PSMB7: variants seen among roughly 807,000 people sequenced by gnomAD.
PSMB7 encodes proteasome subunit beta type-7.
A neutral mutation model predicts 28.1 loss-of-function variants in PSMB7; 5 were observed. The observed-to-expected ratio is 0.18, with a 90% CI of 0.09 to 0.37. PSMB7 has a LOEUF of 0.37. PSMB7 is among the 10% of genes least tolerant of loss of function. PSMB7 has a pLI of 1.00. For missense variants in PSMB7, 275 were observed against 346.2 expected (o/e 0.79, Z 1.63); for synonymous variants, 122 against 123.7 (o/e 0.99, Z 0.09).
intron 6 of PSMB7, among the ~76,000 whole-genome samples, chr9:124,364,923 G>A (rs1321579534): frequency 1.3e-5 from 2 of 152,194 alleles, no homozygotes; most frequent in Non-Finnish European, 2.9e-5. Context: ...GCTAGATGCT[G>A]GGCACATGTG....
chr9:124,353,650 G>C lies in PSMB7; in HGVS notation c.782C>G (p.Pro261Arg), dbSNP rs1435960684. The change falls in exon 8 of 8, where the codon CCT becomes CGT. Residue 261 changes from proline to arginine, a missense_variant. This residue lies in a region of PSMB7 where 213 missense variants were observed against 302.4 expected (regional missense o/e 0.70). Transcript: ENST00000259457. Reference sequence around the variant, plus strand: ...TTCTTCCAGCACCTCAATCTCCAGAGGAGTGATTTTCTCAGTGAGGACTGC... The same window carrying C: ...TTCTTCCAGCACCTCAATCTCCAGACGAGTGATTTTCTCAGTGAGGACTGC... ...TTAVLTEKIT[P>R]LEIEVLEETV... is the part of the protein sequence containing the mutation. 1 of 1,614,074 alleles carries C rather than the reference G, an allele frequency of 6.2e-7. No homozygotes were observed. The highest frequency in any genetic ancestry group is 8.5e-7 in the Non-Finnish European group (1 of 1,179,948).
chr9:124,358,656 A>T (rs1830437611), intron 6 of PSMB7, among the ~76,000 whole-genome samples: 1 of 152,184 alleles, frequency 6.6e-6, no homozygotes, highest in Non-Finnish European at 1.5e-5. Context: ...CCTCATACCT[A>T]ACCGCTTCCC....
chr9:124,361,687 G>C (rs1236195926), intron 6 of PSMB7, among the ~76,000 whole-genome samples: 4 of 152,200 alleles, frequency 2.6e-5, no homozygotes, highest in Non-Finnish European at 5.9e-5. Flanking sequence ...AAAGTCTGCT[G>C]AGATTTAGAG....
intron 6 of PSMB7, among the ~76,000 whole-genome samples, chr9:124,377,706 G>C (rs1389116212): frequency 6.6e-6 from 1 of 152,226 alleles, no homozygotes; most frequent in Non-Finnish European, 1.5e-5. Context: ...GGCTTCTCTA[G>C]AGGCCAACAC....
intron 6 of PSMB7, among the ~76,000 whole-genome samples, chr9:124,380,120 TAAG>T (rs1830650684): frequency 6.6e-6 from 1 of 152,142 alleles, no homozygotes; most frequent in African/African-American, 2.4e-5. Context: ...GCACCAGTGG[TAAG>T]GAGTCCACGG....
intron 6 of PSMB7, among the ~76,000 whole-genome samples, chr9:124,376,390 G>GA (rs201824107): frequency 7.2e-4 from 106 of 147,474 alleles, no homozygotes; most frequent in East Asian, 5.9e-3. Flanking sequence ...GTTTAAAAAT[G>GA]AAAAAAAAAA....
intron 6 of PSMB7, among the ~76,000 whole-genome samples, chr9:124,368,762 G>T (rs984084458): frequency 6.6e-6 from 1 of 152,234 alleles, no homozygotes; most frequent in Non-Finnish European, 1.5e-5. Context: ...GTAAACTCTT[G>T]TTATACCTGA....
intron 7 of PSMB7, among the ~76,000 whole-genome samples, chr9:124,354,595 C>T (rs370187252): frequency 8.1e-4 from 123 of 152,352 alleles, no homozygotes; most frequent in Middle Eastern, 3.4e-3. Context: ...GGGCAACTTC[C>T]ACAGTTCTGC....
In PSMB7 at chr9:124,353,522, T is replaced by A; in HGVS notation, c.*76A>T. ...GAGTTGAGTTTCATTCGGCAAACAC[T>A]AGCCACATGAGTGTCTTACTGGGCC... On this transcript the variant is annotated 3_prime_UTR_variant, in exon 8 of 8. Transcript: ENST00000259457. 1 of 1,086,572 alleles carries A rather than the reference T, an allele frequency of 9.2e-7. No individual in the cohort carries two copies. Among genetic ancestry groups the A allele is most frequent in the Non-Finnish European group, 1.4e-6 (1 of 709,836 alleles). The allele number at this position is 1,086,572 out of a possible 1,614,324, so 67.3% of individuals were successfully genotyped here.
At chr9:124,383,725 C>G (rs1830690935) in intron 6 of PSMB7, 2 of 152,156 alleles carry the variant, frequency 1.3e-5, no homozygotes. Context: ...TGGCAAAAAC[C>G]TACATACTAA....
chr9:124,409,790 T>C (rs978365356), intron 4 of PSMB7, among the ~76,000 whole-genome samples: 3 of 152,212 alleles, frequency 2.0e-5, no homozygotes, highest in African/African-American at 7.2e-5. Flanking sequence ...CAGTCAGTGC[T>C]GTAGGTGGGA....
intron 5 of PSMB7, among the ~76,000 whole-genome samples, chr9:124,394,513 G>T (rs1830822337): frequency 6.6e-6 from 1 of 152,162 alleles, no homozygotes; most frequent in Admixed American, 6.5e-5. Context: ...TCTGGCAAGG[G>T]CTTTTACTTG....
At chr9:124,391,803 T>C (rs551382038) in intron 5 of PSMB7, among the ~76,000 whole-genome samples, 2 of 152,180 alleles carry the variant, frequency 1.3e-5, no homozygotes, top group South Asian at 4.2e-4. Flanking sequence ...AATCTAGATA[T>C]TGCTTTTACT....
At chr9:124,385,836 T>C (rs866085554) in intron 5 of PSMB7, among the ~76,000 whole-genome samples, 3 of 152,308 alleles carry the variant, frequency 2.0e-5, no homozygotes, top group Middle Eastern at 3.4e-3. Flanking sequence ...CAACGCCGCA[T>C]TGAGAAAATA....
rs1170089693 is a variant in PSMB7, at chr9:124,360,828, C to CCAA, written c.571-3916_571-3914dup. Among the ~76,000 whole-genome samples, 14 of 152,328 alleles carry CCAA rather than the reference C, an allele frequency of 9.2e-5. 1 individual carries two copies. The highest frequency in any genetic ancestry group is 3.4e-4 in the African/African-American group (14 of 41,578). ...GCTCTGTAATATAATGATAATAAAT[C>CCAA]CAACTTCATAAGATTACTAACAAAT... On this transcript the variant is annotated intron_variant, in intron 6 of 7. Transcript: ENST00000259457.
At chr9:124,367,254 A>G (rs1245469400) in intron 6 of PSMB7, among the ~76,000 whole-genome samples, 1 of 152,180 alleles carries the variant, frequency 6.6e-6, no homozygotes, top group African/African-American at 2.4e-5. Context: ...AGCCTCAGTC[A>G]TAGGTGCTGA....
At chr9:124,402,498 G>A (rs1023385902) in intron 5 of PSMB7, among the ~76,000 whole-genome samples, 1 of 152,156 alleles carries the variant, frequency 6.6e-6, no homozygotes, top group African/African-American at 2.4e-5. Context: ...ACATCTTGAA[G>A]GATTCAGAGG....
intron 6 of PSMB7, among the ~76,000 whole-genome samples, chr9:124,372,945 AT>A (rs1185306548): frequency 1.3e-5 from 2 of 152,236 alleles, no homozygotes; most frequent in Non-Finnish European, 2.9e-5. Flanking sequence ...CATAAAATTT[AT>A]ATCTGCTCTG....
chr9:124,383,626 T>C (rs1830690305), intron 6 of PSMB7: 1 of 152,170 alleles, frequency 6.6e-6, no homozygotes, highest in Non-Finnish European at 1.5e-5. Flanking sequence ...TAAGCAATCT[T>C]TTCCAAAGAT....
Sources: gnomAD v4.1 joint callset for allele counts (sites outside exome capture counted in the v4.1 genomes callset) on GRCh38, gnomAD v4.1.1 for gene constraint, gnomAD v4.1.1 regional missense constraint, MANE v1.5 for transcripts, NCBI Gene and HGNC (gene_info 2026-07-23, HGNC 2026-07-21) for gene names.